ARPC1A: variants seen among roughly 807,000 people sequenced by gnomAD.
The protein encoded by ARPC1A is actin-related protein 2/3 complex subunit 1A.
Under a neutral mutation model 46.9 loss-of-function variants are expected in ARPC1A, and 8 were observed. That is an observed-to-expected ratio of 0.17 (90% CI 0.10 to 0.31). ARPC1A has a LOEUF of 0.31. Among genes scored for constraint, ARPC1A ranks in the 10% least tolerant of loss-of-function variants. ARPC1A has a pLI of 1.00. For synonymous variants in ARPC1A, 152 were observed against 169.0 expected, an observed-to-expected ratio of 0.90 and a Z score of 0.78; for missense variants, 286 against 483.6, an observed-to-expected ratio of 0.59 and a Z score of 3.83.
intron 6 of ARPC1A, among the ~76,000 whole-genome samples, chr7:99,355,731 A>G (rs933451174): frequency 6.6e-6 from 1 of 152,024 alleles, no homozygotes; most frequent in Non-Finnish European, 1.5e-5. Flanking sequence ...GCAACAGAGC[A>G]AGACTCCATC....
At chr7:99,343,532 A>T (rs531483819) in intron 3 of ARPC1A, among the ~76,000 whole-genome samples, 1 of 152,264 alleles carries the variant, frequency 6.6e-6, no homozygotes, top group South Asian at 2.1e-4. Flanking sequence ...AGTCATGGTG[A>T]ATTTTGCTCT....
In ARPC1A at chr7:99,331,588, G is replaced by A. The variant is rs546196711; in HGVS notation, c.-29-1737G>A. ...TCTAGTTTAAATTGTAATTTTCCCT[G>A]TTATACAAAATACATCTTTTCTGCC... On this transcript the variant is annotated intron_variant, in intron 1 of 9. Coordinates refer to ENST00000262942, the MANE Select transcript of ARPC1A (RefSeq NM_006409.4). Among the ~76,000 whole-genome samples, 25 of 152,106 alleles carry A rather than the reference G, an allele frequency of 1.6e-4. No individual in the cohort carries two copies. The South Asian group carries it at 5.0e-3, about 30-fold the overall frequency.
chr7:99,362,933 T>C (rs1793769773), intron 8 of ARPC1A, among the ~76,000 whole-genome samples: 1 of 152,130 alleles, frequency 6.6e-6, no homozygotes, highest in Non-Finnish European at 1.5e-5. Flanking sequence ...CAAGGAGGGC[T>C]GTTGGCTTAT....
chr7:99,327,297 A>G lies in ARPC1A; in HGVS notation c.-30+1293A>G, dbSNP rs189587316. 2.0e-3 allele frequency among the ~76,000 whole-genome samples: 297 copies of G among 150,890 alleles called. 1 individual carries two copies. The highest frequency in any genetic ancestry group is 2.7e-3 in the Non-Finnish European group (183 of 67,772). On this transcript the variant is annotated intron_variant, in intron 1 of 9. Coordinates refer to ENST00000262942, the MANE Select transcript of ARPC1A (RefSeq NM_006409.4). ...CAGGCGTGTGCCACCACACTGGGCT[A>G]ATTTTCATTTATTTTTATTTACTTA... is the stretch of plus-strand genomic sequence containing the variant.
intron 1 of ARPC1A, among the ~76,000 whole-genome samples, chr7:99,332,299 G>A (rs1193679027): frequency 1.3e-5 from 2 of 152,082 alleles, no homozygotes; most frequent in African/African-American, 4.8e-5. Context: ...TGGATGGTAC[G>A]TTAAGTCACT....
chr7:99,332,881 A>AGGTGTGACCACCATGCCC (rs149672360), intron 1 of ARPC1A, among the ~76,000 whole-genome samples: 14,388 of 142,592 alleles, frequency 0.1, 1,855 homozygotes, highest in African/African-American at 0.3. Context: ...CTGGGATTAG[A>AGGTGTGACCACCATGCCC]GGTGTGACCA....
At chr7:99,328,054 G>T (rs1793079998) in intron 1 of ARPC1A, among the ~76,000 whole-genome samples, 1 of 152,206 alleles carries the variant, frequency 6.6e-6, no homozygotes, top group Non-Finnish European at 1.5e-5. Flanking sequence ...GAAACTAACT[G>T]GTGGGTTCTA....
At chr7:99,354,661 A>G (rs141814044) in intron 6 of ARPC1A, among the ~76,000 whole-genome samples, 2,217 of 152,256 alleles carry the variant, frequency 0.015, 23 homozygotes, top group Non-Finnish European at 0.019. Flanking sequence ...CCTGGCCAAC[A>G]TGGTGAAACC....
chr7:99,344,212 A>G (rs1287751824), intron 3 of ARPC1A, 81 bp from the exon 4 acceptor site: 13 of 1,336,850 alleles, frequency 9.7e-6, no homozygotes, highest in Non-Finnish European at 1.4e-5. Context: ...TCATCCTGGC[A>G]TGCCAGTGCC....
chr7:99,338,803 G>A (rs755273240), intron 3 of ARPC1A, among the ~76,000 whole-genome samples: 8 of 152,098 alleles, frequency 5.3e-5, no homozygotes, highest in East Asian at 1.9e-4. Flanking sequence ...GCACTCTACC[G>A]TTGCTATGGA....
intron 1 of ARPC1A, among the ~76,000 whole-genome samples, chr7:99,330,893 C>T (rs1227701890): frequency 6.6e-6 from 1 of 152,132 alleles, no homozygotes; most frequent in African/African-American, 2.4e-5. Flanking sequence ...AAAATGTTCC[C>T]ATTTCAGTTA....
intron 8 of ARPC1A, among the ~76,000 whole-genome samples, chr7:99,362,336 C>CCCCT (rs1562803976): frequency 7.7e-6 from 1 of 129,634 alleles, no homozygotes; most frequent in African/African-American, 2.9e-5. Flanking sequence ...CCCCGCCCCC[C>CCCCT]TTTTTTTTTT....
intron 2 of ARPC1A, among the ~76,000 whole-genome samples, chr7:99,337,673 TA>T (rs1313324314): frequency 2.0e-5 from 3 of 152,192 alleles, no homozygotes; most frequent in Non-Finnish European, 2.9e-5. Flanking sequence ...GGCTTTATTG[TA>T]AAGGAGAATT....
intron 6 of ARPC1A, among the ~76,000 whole-genome samples, chr7:99,354,932 G>C (rs572773860): frequency 3.3e-5 from 5 of 151,986 alleles, no homozygotes; most frequent in Non-Finnish European, 7.4e-5. Context: ...GACTAACATG[G>C]AGAAACCCCA....
intron 4 of ARPC1A, among the ~76,000 whole-genome samples, chr7:99,346,359 T>A (rs1247967316): frequency 6.6e-6 from 1 of 152,226 alleles, no homozygotes; most frequent in Non-Finnish European, 1.5e-5. Context: ...TTCATTAATA[T>A]TCTCTCAAGG....
chr7:99,337,092 G>A (rs1057197211), intron 2 of ARPC1A, among the ~76,000 whole-genome samples: 7 of 151,998 alleles, frequency 4.6e-5, no homozygotes, highest in African/African-American at 1.7e-4. Flanking sequence ...TACGATTTGG[G>A]GATATTTGCA....
At chr7:99,350,834 A>G (rs1793533963) in intron 5 of ARPC1A, among the ~76,000 whole-genome samples, 1 of 150,470 alleles carries the variant, frequency 6.6e-6, no homozygotes, top group South Asian at 2.1e-4. Flanking sequence ...TTTTGTAGAG[A>G]TGGGGTCTCA....
chr7:99,359,645 T>C lies in ARPC1A; in HGVS notation c.890T>C (p.Met297Thr). The change falls in exon 8 of 10, where the codon ATG becomes ACG. Residue 297 changes from methionine to threonine, a missense_variant. Transcript: ENST00000262942. ...DIPKQSIQRN[M>T]SAMERFRNMD... is the part of the protein sequence containing the mutation. ...CCAAAACAGAGCATCCAACGCAACA[T>C]GTCTGCCATGGAACGCTTCCGCAAC... The C allele has an allele frequency of 6.2e-7, 1 of 1,614,094 alleles. No homozygotes were observed. Among genetic ancestry groups the C allele is most frequent in the Non-Finnish European group, 8.5e-7 (1 of 1,180,028 alleles).
At chr7:99,347,352 C>G (rs1793471106) in intron 4 of ARPC1A, among the ~76,000 whole-genome samples, 1 of 152,152 alleles carries the variant, frequency 6.6e-6, no homozygotes, top group South Asian at 2.1e-4. Context: ...AGTATAGTTG[C>G]AAGCCTCTGC....
Sources: allele counts gnomAD v4.1 joint callset (sites outside exome capture counted in the v4.1 genomes callset), GRCh38; gene constraint gnomAD v4.1.1; transcripts MANE v1.5; gene names NCBI Gene and HGNC (gene_info 2026-07-23, HGNC 2026-07-21).